Variants in MAST4 observed in about 807,000 individuals in gnomAD.
MAST4 encodes the protein microtubule-associated serine/threonine-protein kinase 4.
In MAST4, 89 loss-of-function variants were observed where a neutral mutation model predicts 162.7. That is an observed-to-expected ratio of 0.55 (90% CI 0.46 to 0.65). MAST4 has a LOEUF of 0.65. Among genes scored for constraint, MAST4 ranks in the 30% least tolerant of loss-of-function variants. The probability of loss-of-function intolerance (pLI) is 0.00; values close to 1 mark genes in which losing one functional copy is unlikely to be tolerated. For missense variants in MAST4, 3,153 were observed against 3,374.0 expected, an observed-to-expected ratio of 0.93 and a Z score of 1.62; for synonymous variants, 1,479 against 1,361.1, an observed-to-expected ratio of 1.09 and a Z score of -1.91.
At chr5:66,826,048 A>G (rs1309693191) in intron 3 of MAST4, among the ~76,000 whole-genome samples, 1 of 152,232 alleles carries the variant, frequency 6.6e-6, no homozygotes, top group Non-Finnish European at 1.5e-5. Context: ...ATGAGAAAAT[A>G]TATAGCAAAG....
At chr5:67,120,073 A>C (rs1767390756) in intron 13 of MAST4, among the ~76,000 whole-genome samples, 1 of 152,258 alleles carries the variant, frequency 6.6e-6, no homozygotes, top group African/African-American at 2.4e-5. Context: ...ATGACTAAAT[A>C]GATCCAGATC....
At chr5:67,033,613 G>T (rs1195141622) in intron 4 of MAST4, among the ~76,000 whole-genome samples, 1 of 152,086 alleles carries the variant, frequency 6.6e-6, no homozygotes, top group Non-Finnish European at 1.5e-5. Context: ...AGTGATGTGT[G>T]GTGCCCTATG....
intron 5 of MAST4, among the ~76,000 whole-genome samples, chr5:67,087,576 T>C (rs1483196970): frequency 6.6e-6 from 1 of 152,012 alleles, no homozygotes; most frequent in Non-Finnish European, 1.5e-5. Flanking sequence ...TCACCTTCTG[T>C]TTCTCCTCTT....
At chr5:66,876,832 G>A (rs1466176704) in intron 3 of MAST4, among the ~76,000 whole-genome samples, 4 of 152,128 alleles carry the variant, frequency 2.6e-5, no homozygotes, top group African/African-American at 9.7e-5. Flanking sequence ...TGGGTAAATG[G>A]GGGAATGTCA....
chr5:67,047,925 A>G (rs562619704), intron 4 of MAST4, among the ~76,000 whole-genome samples: 27 of 152,174 alleles, frequency 1.8e-4, no homozygotes, highest in Admixed American at 1.6e-3. Flanking sequence ...AGTGGTGGAG[A>G]TGTAGACTTG....
At chr5:66,874,090 T>TA (rs930464595) in intron 3 of MAST4, among the ~76,000 whole-genome samples, 3 of 152,154 alleles carry the variant, frequency 2.0e-5, no homozygotes, top group Non-Finnish European at 2.9e-5. Context: ...AGTAAAGGGT[T>TA]AGGGGGAAAA....
intron 3 of MAST4, among the ~76,000 whole-genome samples, chr5:66,821,268 C>T (rs1024701925): frequency 6.6e-6 from 1 of 152,208 alleles, no homozygotes; most frequent in African/African-American, 2.4e-5. Flanking sequence ...GGTTTAAAGT[C>T]TGTTTTATTT....
intron 3 of MAST4, among the ~76,000 whole-genome samples, chr5:66,809,400 A>G (rs535026307): frequency 6.6e-6 from 1 of 152,338 alleles, no homozygotes; most frequent in East Asian, 1.9e-4. Context: ...TTGATCAACA[A>G]CAACTTGTAG....
At chr5:66,723,181 G>A (rs1236489161) in intron 1 of MAST4, among the ~76,000 whole-genome samples, 1 of 152,074 alleles carries the variant, frequency 6.6e-6, no homozygotes, top group Admixed American at 6.6e-5. Context: ...AGGAACTTAG[G>A]TACCATTTTA....
intron 3 of MAST4, among the ~76,000 whole-genome samples, chr5:66,895,585 C>A (rs1044862640): frequency 6.6e-6 from 1 of 152,130 alleles, no homozygotes; most frequent in South Asian, 2.1e-4. Context: ...TTCTCTTTCA[C>A]GCTCCACATC....
chr5:67,047,941 G>A (rs1264344177), intron 4 of MAST4, among the ~76,000 whole-genome samples: 4 of 152,142 alleles, frequency 2.6e-5, no homozygotes, highest in African/African-American at 9.7e-5. Flanking sequence ...ACTTGAAGAT[G>A]CCTAGAAAGA....
intron 3 of MAST4, among the ~76,000 whole-genome samples, chr5:66,799,440 G>C (rs1755809842): frequency 6.6e-6 from 1 of 152,262 alleles, no homozygotes; most frequent in South Asian, 2.1e-4. Flanking sequence ...TGGCCTGAAT[G>C]CCTAAAGAGC....
At chr5:66,956,476 T>C (rs1745328744) in intron 4 of MAST4, among the ~76,000 whole-genome samples, 1 of 152,104 alleles carries the variant, frequency 6.6e-6, no homozygotes, top group African/African-American at 2.4e-5. Flanking sequence ...CGACCGCAGT[T>C]CCCCCTTTAT....
chr5:66,779,468 G>A (rs372330700), intron 2 of MAST4, among the ~76,000 whole-genome samples: 1 of 149,580 alleles, frequency 6.7e-6, no homozygotes, highest in Admixed American at 6.7e-5. Context: ...TGCACTTTCT[G>A]GTCACAGGTC....
At chr5:66,661,857 A>G (rs1746932628) in intron 1 of MAST4, among the ~76,000 whole-genome samples, 1 of 152,222 alleles carries the variant, frequency 6.6e-6, no homozygotes, top group East Asian at 1.9e-4. Context: ...GAGTTCTAAG[A>G]GCTGTGGTCA....
intron 1 of MAST4, among the ~76,000 whole-genome samples, chr5:66,655,637 G>C (rs911437866): frequency 1.3e-5 from 2 of 152,132 alleles, no homozygotes; most frequent in African/African-American, 4.8e-5. Context: ...TACAAAGACG[G>C]CTCTTTGCTA....
At chr5:66,902,302 T>C (rs915823819) in intron 4 of MAST4, among the ~76,000 whole-genome samples, 1 of 152,214 alleles carries the variant, frequency 6.6e-6, no homozygotes, top group African/African-American at 2.4e-5. Flanking sequence ...TTTTGATATA[T>C]CTGCTGCTTC....
At chr5:66,736,569 A>C (rs1350157480) in intron 1 of MAST4, among the ~76,000 whole-genome samples, 1 of 152,220 alleles carries the variant, frequency 6.6e-6, no homozygotes. Context: ...AGTGATTCCT[A>C]CTATGGCTAT....
At chr5:67,082,640 T>A (rs1762809597) in intron 5 of MAST4, among the ~76,000 whole-genome samples, 1 of 152,198 alleles carries the variant, frequency 6.6e-6, no homozygotes, top group South Asian at 2.1e-4. Flanking sequence ...GCAGATTAGA[T>A]AATAACATTG....
Sources: allele counts gnomAD v4.1 joint callset (sites outside exome capture counted in the v4.1 genomes callset), GRCh38; gene constraint gnomAD v4.1.1; transcripts MANE v1.5; gene names NCBI Gene and HGNC (gene_info 2026-07-23, HGNC 2026-07-21).